Variants in LRP1B observed in about 807,000 individuals in gnomAD.
LRP1B encodes the protein low-density lipoprotein receptor-related protein 1B.
LRP1B carries 217 observed loss-of-function variants against 556.6 expected under a neutral mutation model. The ratio of observed to expected loss-of-function variants is 0.39; its 90% CI spans 0.35 to 0.44. LRP1B has a LOEUF of 0.44. Ranked by LOEUF, LRP1B falls within the 20% of genes least tolerant of loss-of-function variation. LRP1B has a pLI of 1.00. For synonymous variants in LRP1B, 2,047 were observed against 1,865.8 expected, an observed-to-expected ratio of 1.10 and a Z score of -2.50; for missense variants, 5,053 against 5,620.8, an observed-to-expected ratio of 0.90 and a Z score of 3.23.
intron 77 of LRP1B, among the ~76,000 whole-genome samples, chr2:140,341,074 A>C (rs1444840344): frequency 1.3e-5 from 2 of 151,622 alleles, no homozygotes; most frequent in Non-Finnish European, 3.0e-5. Flanking sequence ...GTGGATCAAC[A>C]GGAATTTTAG....
rs192500330 is a variant in LRP1B at position 140,884,591 on chromosome 2, C to A, written c.3965-570G>T. Among the ~76,000 whole-genome samples the A allele has an allele frequency of 1.1e-3, 160 of 152,138 alleles. 1 individual carries two copies. Among genetic ancestry groups the A allele is most frequent in the African/African-American group, 3.6e-3 (150 of 41,498 alleles). ...TCCCCACCTGGGACCCTAAGACTTG[C>A]AAGATGTAACAAAAATGTAAATAAG... On this transcript the variant is annotated intron_variant, in intron 24 of 90. Transcript: ENST00000389484.
chr2:141,129,532 G>T (rs79687924), intron 7 of LRP1B, among the ~76,000 whole-genome samples: 3,519 of 150,084 alleles, frequency 0.023, 143 homozygotes, highest in African/African-American at 0.082. Context: ...TAAGATAAAA[G>T]CTGGCTACCA....
At chr2:140,540,286 T>C (rs1056342003) in intron 45 of LRP1B, among the ~76,000 whole-genome samples, 42 of 152,156 alleles carry the variant, frequency 2.8e-4, no homozygotes, top group Non-Finnish European at 1.5e-5. Context: ...TCCTACCTTA[T>C]ACATAAATTG....
At chr2:140,845,731 TA>T (rs1266804748) in intron 29 of LRP1B, among the ~76,000 whole-genome samples, 8 of 152,220 alleles carry the variant, frequency 5.3e-5, no homozygotes, top group Non-Finnish European at 1.2e-4. Flanking sequence ...CTTGTGATAT[TA>T]AAAAATATAA....
chr2:141,890,508 T>C (rs973722216), intron 1 of LRP1B, among the ~76,000 whole-genome samples: 4 of 151,506 alleles, frequency 2.6e-5, no homozygotes, highest in African/African-American at 7.3e-5. Flanking sequence ...ATTGACAAAA[T>C]ATGTTGGTGA....
In LRP1B at chr2:140,366,257, C is replaced by T. The variant is rs141321383; in HGVS notation, c.11009-1474G>A. Among the ~76,000 whole-genome samples the T allele has an allele frequency of 3.0e-4, 45 of 151,742 alleles. 1 individual carries two copies. In the East Asian group the frequency reaches 7.0e-3, roughly 24 times the overall value. The stretch of plus-strand genomic sequence containing the variant: ...TCTTCAGAAGGAAAACTCCTCAGGA[C>T]CTGATGGCTAAATAGATGAGAGTGG... On this transcript the variant is annotated intron_variant, in intron 71 of 90. Transcript: ENST00000389484.
At chr2:140,828,526 G>T (rs546167925) in intron 31 of LRP1B, among the ~76,000 whole-genome samples, 1 of 135,830 alleles carries the variant, frequency 7.4e-6, no homozygotes, top group Non-Finnish European at 1.5e-5. Context: ...GGAGAATGGC[G>T]TGAACCTGGG....
At chr2:140,259,843 AGAGG>A (rs1263499564) in intron 86 of LRP1B, among the ~76,000 whole-genome samples, 4 of 151,992 alleles carry the variant, frequency 2.6e-5, no homozygotes, top group Non-Finnish European at 5.9e-5. Flanking sequence ...GGCCATACAC[AGAGG>A]GAGAGGTCAA....
chr2:140,466,119 TTTTTC>T (rs1214044324), intron 60 of LRP1B, among the ~76,000 whole-genome samples: 134 of 144,552 alleles, frequency 9.3e-4, no homozygotes, highest in African/African-American at 3.2e-3. Flanking sequence ...CCTCTTTTCT[TTTTTC>T]TTTTTTTTTT....
chr2:141,241,937 A>T (rs911280373), intron 5 of LRP1B, among the ~76,000 whole-genome samples: 1 of 151,592 alleles, frequency 6.6e-6, no homozygotes, highest in African/African-American at 2.4e-5. Flanking sequence ...TCTAAAAAAT[A>T]ATGTAAAAAA....
chr2:141,892,657 G>A (rs1406653564), intron 1 of LRP1B, among the ~76,000 whole-genome samples: 1 of 152,044 alleles, frequency 6.6e-6, no homozygotes, highest in Non-Finnish European at 1.5e-5. Flanking sequence ...TAACCCTGGA[G>A]GGAAGCTTTT....
In LRP1B at chr2:140,358,196, TACTA is replaced by T. The variant is rs747879054; in HGVS notation, c.11258-84_11258-81del. The T allele has an allele frequency of 8.1e-5, 104 of 1,289,140 alleles. 1 individual carries two copies. Among genetic ancestry groups the T allele is most frequent in the South Asian group, 5.1e-4 (34 of 66,660 alleles). 79.9% of individuals were successfully genotyped at this position (1,289,140 alleles called of 1,614,324 possible). ...TGAGCATGTAATAGCTCCAAAATTT[TACTA>T]ACTACTATGAAAAACATGGGTTTAC... is the stretch of plus-strand genomic sequence containing the variant. On this transcript the variant is annotated intron_variant, in intron 73 of 90. Transcript: ENST00000389484.
intron 7 of LRP1B, among the ~76,000 whole-genome samples, chr2:141,066,272 A>C (rs1158813577): frequency 2.0e-5 from 3 of 151,958 alleles, no homozygotes; most frequent in Non-Finnish European, 4.4e-5. Context: ...CAGATATGGG[A>C]AACTGTTTTT....
At chr2:140,779,694 CAA>C (rs34083447) in intron 32 of LRP1B, among the ~76,000 whole-genome samples, 4 of 66,934 alleles carry the variant, frequency 6.0e-5, no homozygotes, top group African/African-American at 1.3e-4. Flanking sequence ...GACTCTGTCT[CAA>C]AAAAAAAAAA....
At chr2:140,632,834 C>A (rs562507204) in intron 41 of LRP1B, among the ~76,000 whole-genome samples, 1 of 152,012 alleles carries the variant, frequency 6.6e-6, no homozygotes, top group African/African-American at 2.4e-5. Flanking sequence ...GAGGCTGAGG[C>A]GCGTGGGTCA....
At chr2:140,694,075 C>CT (rs976814248) in intron 41 of LRP1B, among the ~76,000 whole-genome samples, 4 of 152,110 alleles carry the variant, frequency 2.6e-5, no homozygotes, top group East Asian at 1.9e-4. Context: ...GCAATATTTG[C>CT]TTTTTTTAAA....
intron 3 of LRP1B, among the ~76,000 whole-genome samples, chr2:141,326,800 C>T (rs1244444251): frequency 1.3e-5 from 2 of 152,140 alleles, no homozygotes; most frequent in African/African-American, 4.8e-5. Flanking sequence ...TTTGTGCAAA[C>T]CCAGAGAGTT....
intron 32 of LRP1B, among the ~76,000 whole-genome samples, chr2:140,808,962 C>T (rs1344507839): frequency 2.0e-5 from 3 of 152,098 alleles, no homozygotes; most frequent in East Asian, 1.9e-4. Flanking sequence ...TATACCAGCT[C>T]TACCAGGTGA....
intron 3 of LRP1B, among the ~76,000 whole-genome samples, chr2:141,356,533 A>G (rs2105552939): frequency 6.9e-6 from 1 of 144,604 alleles, no homozygotes; most frequent in African/African-American, 2.4e-5. Context: ...TCTAGGCTAT[A>G]TGATCTCCAA....
Sources: gnomAD v4.1 joint callset for allele counts (sites outside exome capture counted in the v4.1 genomes callset) on GRCh38, gnomAD v4.1.1 for gene constraint, MANE v1.5 for transcripts, NCBI Gene and HGNC (gene_info 2026-07-23, HGNC 2026-07-21) for gene names.